The following PCOLCE2 variants were observed in gnomAD, a reference collection of about 807,000 sequenced individuals.
PCOLCE2 encodes the protein procollagen C-endopeptidase enhancer 2.
In PCOLCE2, 42 loss-of-function variants were observed where a neutral mutation model predicts 47.0. That is an observed-to-expected ratio of 0.89 (90% CI 0.70 to 1.16). The LOEUF is 1.16. Ranked by LOEUF, PCOLCE2 falls within the 50% of genes most tolerant of loss-of-function variation. The probability of loss-of-function intolerance (pLI) is 0.00; values close to 1 mark genes in which losing one functional copy is unlikely to be tolerated. For missense variants in PCOLCE2, 500 were observed against 526.1 expected (o/e 0.95, Z 0.49); for synonymous variants, 169 against 191.7 (o/e 0.88, Z 0.98).
At chr3:142,879,226 A>C (rs1429255623) in intron 2 of PCOLCE2, among the ~76,000 whole-genome samples, 1 of 152,060 alleles carries the variant, frequency 6.6e-6, no homozygotes, top group Non-Finnish European at 1.5e-5. Flanking sequence ...TTTGGTATGA[A>C]TATGTTATTA....
intron 4 of PCOLCE2, among the ~76,000 whole-genome samples, 174 bp from the exon 5 acceptor site, chr3:142,839,080 G>C (rs1937236879): frequency 6.6e-6 from 1 of 151,898 alleles, no homozygotes; most frequent in Non-Finnish European, 1.5e-5. Flanking sequence ...AAAAACTGTG[G>C]TATTCTTTTG....
intron 3 of PCOLCE2, chr3:142,843,269 G>C: frequency 3.2e-6 from 2 of 623,896 alleles, no homozygotes; most frequent in Non-Finnish European, 6.0e-6. Flanking sequence ...CAACACGAGA[G>C]AGGGGAGAAG....
chr3:142,842,397 T>C lies in PCOLCE2; in HGVS notation c.573+527A>G, dbSNP rs1937273129. 6.6e-6 allele frequency among the ~76,000 whole-genome samples: 1 copy of C among 152,138 alleles called. No individual in the cohort carries two copies. Among genetic ancestry groups the C allele is most frequent in the Non-Finnish European group, 1.5e-5 (1 of 68,032 alleles). On this transcript the variant is annotated intron_variant, in intron 4 of 8. Transcript: ENST00000295992. The surrounding 1 kb of genome is among the most constrained non-coding windows in gnomAD (Gnocchi z 4.1). ...ATTTTTAAAACTGTTTTGAAAATTG[T>C]CATTATATAGCAGGAAATTAAATCC...
intron 3 of PCOLCE2, 128 bp from the exon 4 acceptor site, chr3:142,843,176 T>C: frequency 1.1e-6 from 1 of 877,490 alleles, no homozygotes. Flanking sequence ...CAGAAGCGCT[T>C]ACATTTTCTC....
In PCOLCE2 at chr3:142,820,858, C is replaced by T. The variant is rs1937004633; in HGVS notation, c.1117+20G>A. The stretch of plus-strand genomic sequence containing the variant: ...AAATCCATGGCTTGCTCAGAGACAC[C>T]CAGTTTTCTCCCTACTCACCTCTTC... On this transcript the variant is annotated intron_variant, in intron 8 of 8. Coordinates refer to ENST00000295992, the MANE Select transcript of PCOLCE2 (RefSeq NM_013363.4). 6.3e-7 allele frequency: 1 copy of T among 1,591,006 alleles called. No homozygotes were observed. The highest frequency in any genetic ancestry group is 1.7e-5 in the Admixed American group (1 of 59,626).
intron 3 of PCOLCE2, among the ~76,000 whole-genome samples, chr3:142,846,056 T>G (rs1937325319): frequency 1.3e-5 from 2 of 152,236 alleles, no homozygotes; most frequent in African/African-American, 4.8e-5. Flanking sequence ...ACTCTTCTTC[T>G]GTATGGAATT....
intron 2 of PCOLCE2, among the ~76,000 whole-genome samples, chr3:142,873,227 C>A (rs1256207393): frequency 6.6e-6 from 1 of 151,902 alleles, no homozygotes; most frequent in Non-Finnish European, 1.5e-5. Flanking sequence ...AACCCCGTCT[C>A]TACTAAAAAT....
At chr3:142,882,402 A>C (rs1933642297) in intron 2 of PCOLCE2, among the ~76,000 whole-genome samples, 1 of 152,082 alleles carries the variant, frequency 6.6e-6, no homozygotes, top group Non-Finnish European at 1.5e-5. Flanking sequence ...GGACCCCAAG[A>C]CTAAATTTTT....
chr3:142,821,755 C>A (rs1241802916), intron 7 of PCOLCE2, among the ~76,000 whole-genome samples: 1 of 150,690 alleles, frequency 6.6e-6, no homozygotes, highest in Non-Finnish European at 1.5e-5. Context: ...TTATGTAAAC[C>A]CCTGTTTTTT....
At chr3:142,848,184 ACTG>A (rs1487702871) in intron 3 of PCOLCE2, 30 bp downstream of exon 3, 2 of 1,603,544 alleles carry the variant, frequency 1.2e-6, no homozygotes, top group African/African-American at 2.7e-5. Context: ...AACCAACATT[ACTG>A]TTGTTATTGC....
chr3:142,819,733 C>A (rs35969391), intron 8 of PCOLCE2, among the ~76,000 whole-genome samples: 4,889 of 152,156 alleles, frequency 0.032, 92 homozygotes, highest in East Asian at 0.055. Flanking sequence ...GCAGACTCGA[C>A]CTCTTAGGTT....
chr3:142,846,645 C>A (rs887025057), intron 3 of PCOLCE2: 1 of 152,148 alleles, frequency 6.6e-6, no homozygotes, highest in Non-Finnish European at 1.5e-5. Context: ...ACTGGTTTCT[C>A]GAGCTCTTTT....
At chr3:142,853,277 C>T (rs1290225392) in intron 2 of PCOLCE2, among the ~76,000 whole-genome samples, 1 of 152,154 alleles carries the variant, frequency 6.6e-6, no homozygotes, top group African/African-American at 2.4e-5. Context: ...TTCTCTCACT[C>T]ATGCTTAGGG....
At chr3:142,856,620 G>A (rs1358948229) in intron 2 of PCOLCE2, among the ~76,000 whole-genome samples, 2 of 152,214 alleles carry the variant, frequency 1.3e-5, no homozygotes, top group Non-Finnish European at 2.9e-5. Flanking sequence ...CACAGAAGCA[G>A]GAAGGCTAAG....
At chr3:142,827,053 C>A in intron 6 of PCOLCE2, 1 of 1,058,122 alleles carries the variant, frequency 9.5e-7, no homozygotes, top group South Asian at 1.3e-5. Flanking sequence ...ATGACTCTTA[C>A]TTTTTTTTGG....
intron 2 of PCOLCE2, among the ~76,000 whole-genome samples, chr3:142,852,634 C>T (rs1932973857): frequency 6.7e-6 from 1 of 149,432 alleles, no homozygotes; most frequent in African/African-American, 2.5e-5. Flanking sequence ...GGTTTCCTTC[C>T]ATGCTGATCA....
intron 8 of PCOLCE2, 98 bp downstream of exon 8, chr3:142,820,780 G>A: frequency 1.0e-6 from 1 of 981,236 alleles, no homozygotes; most frequent in Non-Finnish European, 1.5e-6. Context: ...TCTGCAAGAA[G>A]TGGGCAACAT....
At chr3:142,856,037 C>T (rs1406911309) in intron 2 of PCOLCE2, among the ~76,000 whole-genome samples, 2 of 152,158 alleles carry the variant, frequency 1.3e-5, no homozygotes, top group Non-Finnish European at 2.9e-5. Context: ...TGTATAGACA[C>T]CTTTGTTGTT....
Position 142,868,043 on chromosome 3 carries a change from G to A in PCOLCE2, c.193-19571C>T, listed in dbSNP as rs145101301. Among the ~76,000 whole-genome samples, 20 of 152,252 alleles carry A rather than the reference G, an allele frequency of 1.3e-4. No homozygotes were observed. In the East Asian group the frequency reaches 3.7e-3, roughly 28 times the overall value. On this transcript the variant is annotated intron_variant, in intron 2 of 8. Coordinates refer to ENST00000295992, the MANE Select transcript of PCOLCE2 (RefSeq NM_013363.4). Reference sequence around the variant, plus strand: ...ACATGTTACTTGAGGATAAGGCAAGGAACAGGAGGAAACAATGATAATTCT... The same window carrying A: ...ACATGTTACTTGAGGATAAGGCAAGAAACAGGAGGAAACAATGATAATTCT...
Sources: allele counts gnomAD v4.1 joint callset (sites outside exome capture counted in the v4.1 genomes callset), GRCh38; gene constraint gnomAD v4.1.1; non-coding constraint Gnocchi (gnomAD v3.1); transcripts MANE v1.5; gene names NCBI Gene and HGNC (gene_info 2026-07-23, HGNC 2026-07-21).